FER1L5: variants seen among roughly 807,000 people sequenced by gnomAD.
FER1L5 encodes fer-1 like family member 5.
Under a neutral mutation model 279.9 loss-of-function variants are expected in FER1L5, and 187 were observed. That is an observed-to-expected ratio of 0.67 (90% CI 0.59 to 0.75). The LOEUF (loss-of-function observed/expected upper bound fraction) is 0.75. FER1L5 is among the 30% of genes least tolerant of loss of function. The pLI, the probability that FER1L5 is intolerant of heterozygous loss-of-function variation, is 0.00. For synonymous variants in FER1L5, 921 were observed against 989.7 expected, an observed-to-expected ratio of 0.93 and a Z score of 1.30; for missense variants, 2,091 against 2,594.4, an observed-to-expected ratio of 0.81 and a Z score of 4.21.
chr2:96,697,711 G>C lies in FER1L5; in HGVS notation c.4186G>C (p.Asp1396His). ...DWWSKLFWATDEHKSLKYKYK... is the reference protein window; with the variant it reads ...DWWSKLFWATHEHKSLKYKYK... Reference sequence around the variant, plus strand: ...GTGGAGCAAGCTGTTCTGGGCCACAGATGAGCACAAGTCCCTGAAGTACAA... The same window carrying C: ...GTGGAGCAAGCTGTTCTGGGCCACACATGAGCACAAGTCCCTGAAGTACAA... Residue 1396 changes from aspartate to histidine, a missense_variant, in exon 39 of 53, where the codon GAT (aspartate) becomes CAT (histidine). Asp to His is a moderately conservative substitution (Grantham distance 81). Coordinates refer to ENST00000624922, the MANE Select transcript of FER1L5 (RefSeq NM_001293083.2). The C allele has an allele frequency of 6.2e-7, 1 of 1,614,060 alleles. No individual in the cohort carries two copies. The highest frequency in any genetic ancestry group is 8.5e-7 in the Non-Finnish European group (1 of 1,179,904).
chr2:96,691,456 G>A lies in FER1L5; in HGVS notation c.2919G>A (p.Lys973=). The A allele has an allele frequency of 6.5e-7, 1 of 1,542,058 alleles. No individual in the cohort carries two copies. Residue 973 remains lysine (K), a synonymous_variant, in exon 29 of 53, where the codon AAG becomes AAA. Transcript: ENST00000624922. This position sits in a 1 kb window ranked among gnomAD's most constrained non-coding sequence, Gnocchi z 6.0. ...CCTCCCCACCACAGGGCCTGGCCAAGGGCGAGGAGGAGGGCTGGGAGTATG... is the reference window on the plus strand; with the variant it reads ...CCTCCCCACCACAGGGCCTGGCCAAAGGCGAGGAGGAGGGCTGGGAGTATG... ...TLSFLQLGLA[K]GEEEGWEYDT...
Position 96,647,902 on chromosome 2 carries a change from G to A in FER1L5, c.339+16G>A. 2 of 1,541,586 alleles carry A rather than the reference G, an allele frequency of 1.3e-6. No individual in the cohort carries two copies. Among genetic ancestry groups the A allele is most frequent in the East Asian group, 2.4e-5 (1 of 40,880 alleles). Reference sequence around the variant, plus strand: ...GCCCACAGATGTGAGTCAGGCCCAGGAAGGCCCAGGCAGGGTGGCTGGAGG... The same window carrying A: ...GCCCACAGATGTGAGTCAGGCCCAGAAAGGCCCAGGCAGGGTGGCTGGAGG... On this transcript the variant is annotated intron_variant, in intron 4 of 52. Coordinates refer to ENST00000624922, the MANE Select transcript of FER1L5 (RefSeq NM_001293083.2).
At chr2:96,675,562 G>T (rs2076481238) in intron 19 of FER1L5, among the ~76,000 whole-genome samples, 1 of 152,128 alleles carries the variant, frequency 6.6e-6, no homozygotes, top group African/African-American at 2.4e-5. Context: ...AAGTAGCTGG[G>T]ATTACAGGCG....
At chr2:96,690,737 G>T in intron 27 of FER1L5, 148 bp downstream of exon 27, 1 of 678,700 alleles carries the variant, frequency 1.5e-6, no homozygotes, top group Non-Finnish European at 2.5e-6. Flanking sequence ...GGTCTCCAGC[G>T]TTTCCTTACA....
At chr2:96,692,515 T>TGA (rs1314554825) in intron 31 of FER1L5, among the ~76,000 whole-genome samples, 1 of 152,066 alleles carries the variant, frequency 6.6e-6, no homozygotes, top group East Asian at 1.9e-4. Context: ...AAGTGGGAGC[T>TGA]GAGAGGGCTC....
In FER1L5 at chr2:96,692,094, C is replaced by T. The variant is rs2077176175; in HGVS notation, c.3215-10C>T. 3.2e-6 allele frequency: 5 copies of T among 1,551,306 alleles called. No homozygotes were observed. Among genetic ancestry groups the T allele is most frequent in the Non-Finnish European group, 4.4e-6 (5 of 1,146,920 alleles). ...GGGGCAGGTGACAGGCATGGCTTCT[C>T]TTTCCCCAGAGCCCCACTACTACCA... On this transcript the variant is annotated splice_polypyrimidine_tract_variant and intron_variant, in intron 30 of 52. Coordinates refer to ENST00000624922, the MANE Select transcript of FER1L5 (RefSeq NM_001293083.2).
Position 96,702,507 on chromosome 2 carries a change from C to T in FER1L5, c.5256-93C>T. ...TGGGACACCTCTCCATCCAGCTCTGCCTGGCGTCGGCTGGGCAGCCCTTCC... is the reference window on the plus strand; with the variant it reads ...TGGGACACCTCTCCATCCAGCTCTGTCTGGCGTCGGCTGGGCAGCCCTTCC... On this transcript the variant is annotated intron_variant, in intron 47 of 52. Coordinates refer to ENST00000624922, the MANE Select transcript of FER1L5 (RefSeq NM_001293083.2). This position sits in a 1 kb window ranked among gnomAD's most constrained non-coding sequence, Gnocchi z 4.0. 1.3e-6 allele frequency: 2 copies of T among 1,548,286 alleles called. No homozygotes were observed. The highest frequency in any genetic ancestry group is 1.7e-6 in the Non-Finnish European group (2 of 1,145,214).
rs751028334 is a variant in FER1L5, at chr2:96,653,723, C to G, written c.696+21C>G. The stretch of plus-strand genomic sequence containing the variant: ...TCCAGGTGAGGAGCCAAACTGGTCC[C>G]CAGCAAGGTGGGTTTCTTGTCCCAC... On this transcript the variant is annotated intron_variant, in intron 8 of 52. Coordinates refer to ENST00000624922, the MANE Select transcript of FER1L5 (RefSeq NM_001293083.2). 40 of 1,544,982 alleles carry G rather than the reference C, an allele frequency of 2.6e-5. No homozygotes were observed. The East Asian group carries it at 8.3e-4, about 32-fold the overall frequency.
chr2:96,657,198 C>T (rs1478592850), intron 9 of FER1L5, among the ~76,000 whole-genome samples: 1 of 151,800 alleles, frequency 6.6e-6, no homozygotes, highest in Non-Finnish European at 1.5e-5. Context: ...CTAAGCCCCC[C>T]AGGATAGCTG....
chr2:96,696,158 AAC>A, intron 37 of FER1L5, 81 bp downstream of exon 37: 1 of 1,575,278 alleles, frequency 6.3e-7, no homozygotes, highest in Admixed American at 1.8e-5. Flanking sequence ...GTGTCCATTA[AAC>A]AGTCTGGATA....
intron 9 of FER1L5, among the ~76,000 whole-genome samples, chr2:96,659,376 T>TC (rs2075794830): frequency 8.7e-5 from 1 of 11,502 alleles, no homozygotes; most frequent in East Asian, 4.6e-3. Flanking sequence ...TTTCTTTCTT[T>TC]CTTTCTTTCT....
chr2:96,650,317 T>TG, intron 6 of FER1L5, 28 bp downstream of exon 6: 1 of 1,529,714 alleles, frequency 6.5e-7, no homozygotes, highest in Non-Finnish European at 8.9e-7. Context: ...TGCAAGTTCA[T>TG]GGGACTCACC....
intron 9 of FER1L5, among the ~76,000 whole-genome samples, chr2:96,659,346 C>T (rs186281625): frequency 0.036 from 2,820 of 78,116 alleles, 216 homozygotes; most frequent in South Asian, 0.17. Context: ...TCCTTCCTTC[C>T]TTCCTTCCTT....
At chr2:96,663,289 A>C (rs1251318993) in intron 13 of FER1L5, 150 bp from the exon 14 acceptor site, 1 of 683,782 alleles carries the variant, frequency 1.5e-6, no homozygotes, top group African/African-American at 1.8e-5. Flanking sequence ...GCTGCTGAGA[A>C]GTTGTGCAGG....
rs2075307600 is a variant in FER1L5 at position 96,650,276 on chromosome 2, C to G, written c.491C>G (p.Pro164Arg). The change falls in exon 6 of 53, where the codon CCT becomes CGT. Residue 164 changes from proline to arginine, a missense_variant. By Grantham distance (103) the Pro-to-Arg change is moderately radical. Coordinates refer to ENST00000624922, the MANE Select transcript of FER1L5 (RefSeq NM_001293083.2). Reference sequence around the variant, plus strand: ...GCGCACAGGGCTCTGTCCTCAAAGCCTCAGCACTTTCAGGTGAGGACCTTC... The same window carrying G: ...GCGCACAGGGCTCTGTCCTCAAAGCGTCAGCACTTTCAGGTGAGGACCTTC... ...STAHRALSSK[P>R]QHFQVRVKVF... 6.4e-7 allele frequency: 1 copy of G among 1,551,660 alleles called. No individual in the cohort carries two copies. The highest frequency in any genetic ancestry group is 2.0e-5 in the Admixed American group (1 of 50,996).
In FER1L5 at chr2:96,699,542, AC is replaced by A. The variant is rs2077514405; in HGVS notation, c.4611-4del. The stretch of plus-strand genomic sequence containing the variant: ...CATCCTCTGCAGTCTCCAACACCTC[AC>A]CCCTAGGATGTTTGAACTCACCTGC... On this transcript the variant is annotated splice_region_variant and splice_polypyrimidine_tract_variant and intron_variant, in intron 42 of 52. Coordinates refer to ENST00000624922, the MANE Select transcript of FER1L5 (RefSeq NM_001293083.2). 6.2e-7 allele frequency: 1 copy of A among 1,610,306 alleles called. No individual in the cohort carries two copies. Among genetic ancestry groups the A allele is most frequent in the African/African-American group, 1.3e-5 (1 of 74,860 alleles).
rs2075398011 is a variant in FER1L5 at position 96,651,910 on chromosome 2, G to T, written c.523G>T (p.Glu175Ter). ...QHFQVRVKVFEARQLMGNNIK... is the reference protein window; with the variant it reads ...QHFQVRVKVF Reference sequence around the variant, plus strand: ...CCCTTAGGTTCGAGTGAAGGTGTTTGAAGCCCGACAGCTCATGGGCAACAA... The same window carrying T: ...CCCTTAGGTTCGAGTGAAGGTGTTTTAAGCCCGACAGCTCATGGGCAACAA... Residue 175 changes from glutamate to a stop codon, truncating the protein, a stop_gained, in exon 7 of 53, where the codon GAA becomes TAA. Transcript: ENST00000624922. LOFTEE classifies it high-confidence loss of function. 6.4e-7 allele frequency: 1 copy of T among 1,552,066 alleles called. No individual in the cohort carries two copies. Among genetic ancestry groups the T allele is most frequent in the Non-Finnish European group, 8.7e-7 (1 of 1,147,064 alleles).
Position 96,700,319 on chromosome 2 carries a change from C to A in FER1L5, c.4931-13C>A. On this transcript the variant is annotated splice_polypyrimidine_tract_variant and intron_variant, in intron 44 of 52. Coordinates refer to ENST00000624922, the MANE Select transcript of FER1L5 (RefSeq NM_001293083.2). ...ACCTCGCAATCCCCTCCTTCCATCC[C>A]CCTCCAATCCAGAGCCCAAAACCCC... 1 of 1,611,906 alleles carries A rather than the reference C, an allele frequency of 6.2e-7. No individual in the cohort carries two copies. Among genetic ancestry groups the A allele is most frequent in the East Asian group, 2.2e-5 (1 of 44,870 alleles).
intron 36 of FER1L5, 51 bp downstream of exon 36, chr2:96,695,955 C>T: frequency 6.2e-7 from 1 of 1,607,868 alleles, no homozygotes; most frequent in Middle Eastern, 1.7e-4. Flanking sequence ...CGAGCCTGCA[C>T]TGGGAGTGGG....
Sources: gnomAD v4.1 joint callset for allele counts (sites outside exome capture counted in the v4.1 genomes callset) on GRCh38, gnomAD v4.1.1 for gene constraint, Gnocchi (gnomAD v3.1) non-coding constraint, MANE v1.5 for transcripts, NCBI Gene and HGNC (gene_info 2026-07-23, HGNC 2026-07-21) for gene names.